CBARP: variants seen among roughly 807,000 people sequenced by gnomAD.
The protein encoded by CBARP is voltage-dependent calcium channel beta subunit-associated regulatory protein.
A neutral mutation model predicts 36.3 loss-of-function variants in CBARP; 24 were observed. The ratio of observed to expected loss-of-function variants is 0.66; its 90% CI spans 0.48 to 0.93. The LOEUF (loss-of-function observed/expected upper bound fraction) is 0.93, where lower values mean the gene tolerates loss of function less well. CBARP is among the 40% of genes least tolerant of loss of function. The pLI, the probability that CBARP is intolerant of heterozygous loss-of-function variation, is 0.00. For missense variants in CBARP, 1,146 were observed against 980.4 expected (o/e 1.17, Z -2.26); for synonymous variants, 586 against 453.2 (o/e 1.29, Z -3.72).
Position 1,235,789 on chromosome 19 carries a change from G to C in CBARP, c.235C>G (p.Arg79Gly). 1 of 1,607,820 alleles carries C rather than the reference G, an allele frequency of 6.2e-7. No homozygotes were observed. Among genetic ancestry groups the C allele is most frequent in the South Asian group, 1.1e-5 (1 of 91,074 alleles). Residue 79 changes from arginine to glycine, a missense_variant, in exon 3 of 10, where the codon CGC becomes GGC. Coordinates refer to ENST00000650044, the MANE Select transcript of CBARP (RefSeq NM_001393918.1). Reference sequence around the variant, plus strand: ...GTGGGGGCCTCGCACCTGTTGAGGCGCTGGTGGACGTCCCAGCAGCGCTTG... The same window carrying C: ...GTGGGGGCCTCGCACCTGTTGAGGCCCTGGTGGACGTCCCAGCAGCGCTTG... ...LCKRCWDVHQ[R>G]LNRAMEEAEK...
At chr19:1,231,540 C>T (rs1285170883) in intron 8 of CBARP, among the ~76,000 whole-genome samples, 3 of 80,516 alleles carry the variant, frequency 3.7e-5, no homozygotes, top group African/African-American at 1.5e-4. Flanking sequence ...CGCCTGTGGC[C>T]CCCTCACACA....
chr19:1,235,700 C>A, intron 3 of CBARP, 79 bp downstream of exon 3: 22 of 1,601,340 alleles, frequency 1.4e-5, no homozygotes, highest in Non-Finnish European at 1.7e-5. Flanking sequence ...GACTCAGAAG[C>A]CAGTGAGGTA....
At position 1,229,928 on chromosome 19, in the gene CBARP, C is replaced by A. The variant is rs1215218255; in HGVS notation, c.1369G>T (p.Gly457Cys). Residue 457 changes from glycine to cysteine, a missense_variant, in exon 10 of 10, where the codon GGC becomes TGC. By Grantham distance (159) the Gly-to-Cys change is radical. Transcript: ENST00000650044. The surrounding 1 kb of genome is among the most constrained non-coding windows in gnomAD (Gnocchi z 5.1). Reference sequence around the variant, plus strand: ...CTGCGCACCGAGTCGCGGTCGTTGCCGCTGCTGCTGTGGTCCGAGGCGGCC... The same window carrying A: ...CTGCGCACCGAGTCGCGGTCGTTGCAGCTGCTGCTGTGGTCCGAGGCGGCC... ...HAAASDHSSSGNDRDSVRSGD... is the reference protein window; with the variant it reads ...HAAASDHSSSCNDRDSVRSGD... 2 of 1,166,270 alleles carry A rather than the reference C, an allele frequency of 1.7e-6. No homozygotes were observed. Among genetic ancestry groups the A allele is most frequent in the Non-Finnish European group, 2.2e-6 (2 of 923,782 alleles). The allele number at this position is 1,166,270 out of a possible 1,614,324, so 72.2% of individuals were successfully genotyped here.
chr19:1,233,335 A>G, intron 8 of CBARP, 91 bp downstream of exon 8: 2 of 1,322,346 alleles, frequency 1.5e-6, no homozygotes, highest in Non-Finnish European at 2.1e-6. Context: ...CACCCAGCCC[A>G]CAACCTCCTG....
intron 1 of CBARP, among the ~76,000 whole-genome samples, chr19:1,237,536 C>T (rs936960372): frequency 5.3e-5 from 8 of 151,986 alleles, no homozygotes; most frequent in Non-Finnish European, 1.2e-4. Context: ...GAGACGCCAT[C>T]GTCCTCGCCC....
In CBARP at chr19:1,235,674, G is replaced by A. The variant is rs907231652; in HGVS notation, c.245+105C>T. The A allele has an allele frequency of 7.2e-5, 115 of 1,591,626 alleles. 1 individual carries two copies. Among genetic ancestry groups the A allele is most frequent in the Middle Eastern group, 1.7e-4 (1 of 5,946 alleles). ...CCTGCGCATCACCCAGTCTCCAGAG[G>A]CATAGCCCACCCTGTGACTCAGAAG... On this transcript the variant is annotated intron_variant, in intron 3 of 9. Transcript: ENST00000650044.
intron 7 of CBARP, 22 bp from the exon 8 acceptor site, chr19:1,233,658 G>A (rs768872000): frequency 8.2e-6 from 13 of 1,594,832 alleles, no homozygotes; most frequent in Admixed American, 6.9e-5. Flanking sequence ...CAGAGATGGC[G>A]CTCAGGCTAA....
intron 7 of CBARP, among the ~76,000 whole-genome samples, 167 bp downstream of exon 7, chr19:1,234,024 G>A (rs747866480): frequency 5.9e-5 from 9 of 152,314 alleles, no homozygotes; most frequent in Middle Eastern, 6.8e-3. Flanking sequence ...GCCTGTGTCC[G>A]GTGTGCGGCC....
At chr19:1,234,850 G>A in intron 5 of CBARP, 108 bp from the exon 6 acceptor site, 1 of 1,512,968 alleles carries the variant, frequency 6.6e-7, no homozygotes, top group Non-Finnish European at 8.9e-7. Flanking sequence ...AGGCGAAAGG[G>A]GGGCAACTGG....
At chr19:1,230,395 T>G in intron 9 of CBARP, 1 of 987,262 alleles carries the variant, frequency 1.0e-6, no homozygotes, top group Non-Finnish European at 1.2e-6. Context: ...GCCCCCTCCC[T>G]TGGAAGCCCC....
intron 8 of CBARP, among the ~76,000 whole-genome samples, chr19:1,233,096 T>G (rs1232232634): frequency 1.3e-5 from 2 of 152,130 alleles, no homozygotes; most frequent in Non-Finnish European, 2.9e-5. Flanking sequence ...CCCTCTGCGC[T>G]CCACAGTGAC....
intron 1 of CBARP, among the ~76,000 whole-genome samples, chr19:1,236,522 G>GCCCCATCACGGGGGTGGGGGGCTAC (rs1219764055): frequency 3.9e-5 from 6 of 151,976 alleles, no homozygotes; most frequent in African/African-American, 1.4e-4. Context: ...CGCCCTGTCC[G>GCCCCATCACGGGGGTGGGGGGCTAC]CCCCATCACG....
Position 1,229,373 on chromosome 19 carries a change from C to A in CBARP, c.1924G>T (p.Val642Phe). 8.7e-7 allele frequency: 1 copy of A among 1,150,972 alleles called. No individual in the cohort carries two copies. 71.3% of individuals were successfully genotyped at this position (1,150,972 alleles called of 1,614,324 possible). ...GGAGDDPAIP[V>F]IEEEPGGGGC... ...CCGCCGCCCGGCTCCTCCTCGATGA[C>A]GGGGATGGCGGGGTCGTCGCCGGCG... The change falls in exon 10 of 10, where the codon GTC becomes TTC. Residue 642 changes from valine to phenylalanine, a missense_variant. By Grantham distance (50) the Val-to-Phe change is conservative. Coordinates refer to ENST00000650044, the MANE Select transcript of CBARP (RefSeq NM_001393918.1). The surrounding 1 kb of genome is among the most constrained non-coding windows in gnomAD (Gnocchi z 5.1).
chr19:1,236,051 G>A lies in CBARP; in HGVS notation c.50C>T (p.Thr17Ile). 6.8e-7 allele frequency: 1 copy of A among 1,475,590 alleles called. No homozygotes were observed. Among genetic ancestry groups the A allele is most frequent in the Non-Finnish European group, 9.1e-7 (1 of 1,101,690 alleles). 91.4% of individuals were successfully genotyped at this position (1,475,590 alleles called of 1,614,324 possible). The stretch of plus-strand genomic sequence containing the variant: ...CGTCGTCAGGGCTACTGTGGCAGTG[G>A]TGGTGGTGGTGGTGGTGGCGGCTGT... ...MATAATTTTT[T>I]TATVALTTSW... is the part of the protein sequence containing the mutation. Residue 17 changes from threonine to isoleucine, a missense_variant, in exon 2 of 10, where the codon ACC becomes ATC. Coordinates refer to ENST00000650044, the MANE Select transcript of CBARP (RefSeq NM_001393918.1).
intron 5 of CBARP, 58 bp downstream of exon 5, chr19:1,234,943 C>T (rs902882037): frequency 3.2e-6 from 5 of 1,558,680 alleles, no homozygotes; most frequent in Admixed American, 1.8e-5. Flanking sequence ...CCTCCCCCGT[C>T]CCGGCGGCCA....
intron 9 of CBARP, chr19:1,230,804 A>G: frequency 1.4e-6 from 2 of 1,456,920 alleles, no homozygotes; most frequent in Non-Finnish European, 1.8e-6. Flanking sequence ...GGACCACAGC[A>G]GAACCCTTCA....
In CBARP at chr19:1,234,240, A is replaced by C. The variant is rs1278395428; in HGVS notation, c.719T>G (p.Phe240Cys). Residue 240 changes from phenylalanine to cysteine, a missense_variant, in exon 7 of 10, where the codon TTC (phenylalanine) becomes TGC (cysteine). Transcript: ENST00000650044. ...AGATGCCGAGGGGCTGATCTCTGCG[A>C]AGTCAGTGGCGCCCGCGGCTGAGTT... ...PYNSAAGATD[F>C]AEISPSASSD... 2.0e-6 allele frequency: 3 copies of C among 1,498,932 alleles called. No homozygotes were observed. The highest frequency in any genetic ancestry group is 2.7e-6 in the Non-Finnish European group (3 of 1,126,290). The allele number at this position is 1,498,932 out of a possible 1,614,324, so 92.9% of individuals were successfully genotyped here. A position where few individuals can be genotyped will look rare whatever the true frequency, so the allele number is the denominator to read the frequency against.
In CBARP at chr19:1,229,469, G is replaced by A; in HGVS notation, c.1828C>T (p.Arg610Ter). 1.0e-6 allele frequency: 1 copy of A among 979,008 alleles called. No homozygotes were observed. Among genetic ancestry groups the A allele is most frequent in the Non-Finnish European group, 1.2e-6 (1 of 827,624 alleles). 60.6% of individuals were successfully genotyped at this position (979,008 alleles called of 1,614,324 possible). The change falls in exon 10 of 10, where the codon CGA becomes TGA. Residue 610 changes from arginine to a stop codon, truncating the protein, a stop_gained. Transcript: ENST00000650044. LOFTEE classifies it low-confidence loss of function (END_TRUNC). The surrounding 1 kb of genome is among the most constrained non-coding windows in gnomAD (Gnocchi z 5.1). ...CGCCGCAAGGGCGCACGCGCGGGTC[G>A]GGCCGCGCCGGCAGGCGGTGCCGGG... is the stretch of plus-strand genomic sequence containing the variant. ...GTPAPPAGAARPARAPLRRGD... is the reference protein window; with the variant it reads ...GTPAPPAGAA
intron 1 of CBARP, among the ~76,000 whole-genome samples, chr19:1,236,800 G>C (rs976934955): frequency 6.7e-6 from 1 of 149,328 alleles, no homozygotes. Flanking sequence ...GCCGCGGCTG[G>C]GGGGGCGGGT....
Sources: gnomAD v4.1 joint callset for allele counts (sites outside exome capture counted in the v4.1 genomes callset) on GRCh38, gnomAD v4.1.1 for gene constraint, Gnocchi (gnomAD v3.1) non-coding constraint, MANE v1.5 for transcripts, NCBI Gene and HGNC (gene_info 2026-07-23, HGNC 2026-07-21) for gene names.